Variants in SRGAP3 observed in about 807,000 individuals in gnomAD.
The protein encoded by SRGAP3 is SLIT-ROBO Rho GTPase activating protein 3, also known as SLIT-ROBO Rho GTPase-activating protein 3.
In SRGAP3, 39 loss-of-function variants were observed where a neutral mutation model predicts 121.1. The observed-to-expected ratio is 0.32, with a 90% CI of 0.25 to 0.42. SRGAP3 has a LOEUF of 0.42. SRGAP3 is among the 10% of genes least tolerant of loss of function. SRGAP3 has a pLI of 1.00. For synonymous variants in SRGAP3, 601 were observed against 570.0 expected, an observed-to-expected ratio of 1.05 and a Z score of -0.77; for missense variants, 1,213 against 1,470.6, an observed-to-expected ratio of 0.82 and a Z score of 2.86.
chr3:9,254,540 TC>T (rs2125252739), upstream of SRGAP3, among the ~76,000 whole-genome samples: 1 of 152,288 alleles, frequency 6.6e-6, no homozygotes, highest in East Asian at 1.9e-4. Context: ...ATGCCTGTAA[TC>T]CCAGTATTTT....
intron 3 of SRGAP3, among the ~76,000 whole-genome samples, chr3:9,319,497 A>G (rs1007697977): frequency 2.0e-5 from 3 of 151,956 alleles, no homozygotes; most frequent in African/African-American, 7.2e-5. Flanking sequence ...AGGCAGAGGA[A>G]AAAAACCAAG....
At chr3:9,182,851 T>G (rs908317648) in intron 1 of SRGAP3, among the ~76,000 whole-genome samples, 3 of 151,836 alleles carry the variant, frequency 2.0e-5, no homozygotes, top group Non-Finnish European at 4.4e-5. Flanking sequence ...GAGATGGAGG[T>G]CTCACTGTGT....
Position 8,981,495 on chromosome 3 carries a change from G to A in SRGAP3, c.*4024C>T, listed in dbSNP as rs567354452. ...AGACTGAGAGGAAGAACCATTACCCGAGTCCTCGTGTTTTTCCATTAGCTG... is the reference window on the plus strand; with the variant it reads ...AGACTGAGAGGAAGAACCATTACCCAAGTCCTCGTGTTTTTCCATTAGCTG... On this transcript the variant is annotated 3_prime_UTR_variant, in exon 22 of 22. Transcript: ENST00000383836. 14 of 232,550 alleles carry A rather than the reference G, an allele frequency of 6.0e-5. No individual in the cohort carries two copies. Among genetic ancestry groups the A allele is most frequent in the East Asian group, 2.4e-4 (4 of 16,460 alleles). 14.4% of individuals were successfully genotyped at this position (232,550 alleles called of 1,614,324 possible).
At chr3:9,181,378 TAACAC>T (rs1228330173) in intron 1 of SRGAP3, among the ~76,000 whole-genome samples, 3 of 152,190 alleles carry the variant, frequency 2.0e-5, no homozygotes, top group African/African-American at 4.8e-5. Flanking sequence ...CTTAGCTACT[TAACAC>T]AACACAAGTT....
chr3:8,983,713 G>T lies in SRGAP3; in HGVS notation c.*1806C>A, dbSNP rs1462492452. On this transcript the variant is annotated 3_prime_UTR_variant, in exon 22 of 22. Coordinates refer to ENST00000383836, the MANE Select transcript of SRGAP3 (RefSeq NM_014850.4). ...TACTAATGATAATCACAAACGCATT[G>T]TATTGATTCAGTGTTTTCCAGTGTA... 7 of 230,666 alleles carry T rather than the reference G, an allele frequency of 3.0e-5. No homozygotes were observed. Among genetic ancestry groups the T allele is most frequent in the Non-Finnish European group, 6.0e-5 (7 of 116,584 alleles). 14.3% of individuals were successfully genotyped at this position (230,666 alleles called of 1,614,324 possible).
At chr3:9,325,626 T>C (rs1955505062) in intron 3 of SRGAP3, among the ~76,000 whole-genome samples, 1 of 151,958 alleles carries the variant, frequency 6.6e-6, no homozygotes, top group African/African-American at 2.4e-5. Context: ...AATGATGTCC[T>C]TCTAGACGAG....
intron 4 of SRGAP3, among the ~76,000 whole-genome samples, chr3:9,076,625 T>C (rs1256569152): frequency 6.6e-6 from 1 of 152,088 alleles, no homozygotes; most frequent in Non-Finnish European, 1.5e-5. Flanking sequence ...TTCCTACCCA[T>C]CCAAAGGCAC....
intron 4 of SRGAP3, among the ~76,000 whole-genome samples, chr3:9,066,803 T>C (rs1946455021): frequency 6.6e-6 from 1 of 152,244 alleles, no homozygotes; most frequent in Admixed American, 6.5e-5. Context: ...CCAGGCTCTG[T>C]GACTTTTATC....
rs188533728 is a variant in SRGAP3, at chr3:9,324,450, C to T, written n.442+1560G>A. On this transcript the variant is annotated intron_variant and non_coding_transcript_variant, in intron 3 of 3. Transcript: ENST00000490889. ...GGGTTTTCCAAGGAAAGAATAAAGA[C>T]TGAGTAGAAGCTACCTCCCTATGCT... Among the ~76,000 whole-genome samples the T allele has an allele frequency of 4.4e-3, 673 of 151,990 alleles. 5 individuals carry two copies. Among genetic ancestry groups the T allele is most frequent in the African/African-American group, 0.016 (648 of 41,562 alleles).
At chr3:9,027,687 A>G (rs1237427090) in intron 12 of SRGAP3, among the ~76,000 whole-genome samples, 1 of 152,226 alleles carries the variant, frequency 6.6e-6, no homozygotes, top group Admixed American at 6.5e-5. Flanking sequence ...ATGTATTTTC[A>G]ATGACATCTT....
intron 4 of SRGAP3, among the ~76,000 whole-genome samples, chr3:9,069,066 T>C (rs1250967994): frequency 6.6e-6 from 1 of 152,194 alleles, no homozygotes; most frequent in Non-Finnish European, 1.5e-5. Context: ...AGCTGGTAAG[T>C]GGAGTCAGGG....
chr3:9,019,944 A>T (rs978067878), intron 14 of SRGAP3, among the ~76,000 whole-genome samples: 1 of 152,206 alleles, frequency 6.6e-6, no homozygotes, highest in African/African-American at 2.4e-5. Context: ...GGAAGAGAGA[A>T]AATAAACACA....
intron 3 of SRGAP3, among the ~76,000 whole-genome samples, chr3:9,080,967 T>C (rs1486459610): frequency 1.3e-5 from 2 of 152,126 alleles, no homozygotes; most frequent in Admixed American, 1.3e-4. Flanking sequence ...ACAATAAATA[T>C]AATGTGCTTC....
intron 3 of SRGAP3, among the ~76,000 whole-genome samples, chr3:9,305,743 C>T (rs60849111): frequency 0.047 from 7,206 of 152,178 alleles, 235 homozygotes; most frequent in East Asian, 0.097. Flanking sequence ...ATGAACTCAT[C>T]CGTTTTTAGG....
intron 12 of SRGAP3, chr3:9,028,047 A>G (rs556092831): frequency 1.9e-6 from 3 of 1,609,962 alleles, no homozygotes; most frequent in South Asian, 1.1e-5. Flanking sequence ...AGTCAGCACT[A>G]AAGACAGTTT....
At chr3:9,031,418 T>A (rs989068864) in intron 12 of SRGAP3, among the ~76,000 whole-genome samples, 2 of 152,166 alleles carry the variant, frequency 1.3e-5, no homozygotes, top group Non-Finnish European at 2.9e-5. Flanking sequence ...GATGCATCCA[T>A]GGGCCCTTCC....
chr3:9,290,066 G>C (rs1271597269), intron 3 of SRGAP3, among the ~76,000 whole-genome samples: 1 of 151,920 alleles, frequency 6.6e-6, no homozygotes, highest in East Asian at 1.9e-4. Flanking sequence ...AGCTGAGATT[G>C]TGCCACTGCA....
chr3:9,093,531 A>G (rs148515947), intron 3 of SRGAP3, among the ~76,000 whole-genome samples: 8 of 151,630 alleles, frequency 5.3e-5, no homozygotes, highest in Non-Finnish European at 8.8e-5. Context: ...CCATCCATAT[A>G]CCCATCAACC....
chr3:9,019,051 T>G (rs1483004425), intron 14 of SRGAP3, among the ~76,000 whole-genome samples: 1 of 152,250 alleles, frequency 6.6e-6, no homozygotes, highest in African/African-American at 2.4e-5. Flanking sequence ...ATTTATTATT[T>G]TTTTAAAGGC....
Sources: allele counts gnomAD v4.1 joint callset (sites outside exome capture counted in the v4.1 genomes callset), GRCh38; gene constraint gnomAD v4.1.1; transcripts MANE v1.5; gene names NCBI Gene and HGNC (gene_info 2026-07-23, HGNC 2026-07-21).